Variants in CSNK2A1 observed in about 807,000 individuals in gnomAD.
The protein encoded by CSNK2A1 is casein kinase II subunit alpha.
Under a neutral mutation model 62.9 loss-of-function variants are expected in CSNK2A1, and 10 were observed. That is an observed-to-expected ratio of 0.16 (90% CI 0.10 to 0.27). CSNK2A1 has a LOEUF of 0.27. Ranked by LOEUF, CSNK2A1 falls within the 10% of genes least tolerant of loss-of-function variation. CSNK2A1 has a pLI of 1.00. For missense variants in CSNK2A1, 160 were observed against 492.0 expected (o/e 0.33, Z 6.38); for synonymous variants, 124 against 167.8 (o/e 0.74, Z 2.02).
At chr20:538,003 C>G (rs902586026) in intron 1 of CSNK2A1, among the ~76,000 whole-genome samples, 1 of 151,276 alleles carries the variant, frequency 6.6e-6, no homozygotes, top group African/African-American at 2.4e-5. Context: ...GCTCTGTCCC[C>G]CAGGCTGGAG....
At chr20:485,155 T>C (rs1395522680) in intron 13 of CSNK2A1, among the ~76,000 whole-genome samples, 1 of 120,610 alleles carries the variant, frequency 8.3e-6, no homozygotes. Context: ...TTATTATACA[T>C]TCTTCTCCAC....
intron 9 of CSNK2A1, 127 bp from the exon 10 acceptor site, chr20:490,008 T>C: frequency 1.6e-6 from 1 of 632,930 alleles, no homozygotes; most frequent in Admixed American, 3.2e-5. Context: ...ACTAATAACA[T>C]CTTCATATAT....
Position 481,251 on chromosome 20 carries a change from A to G in CSNK2A1, c.*2710T>C, listed in dbSNP as rs1319585580. On this transcript the variant is annotated 3_prime_UTR_variant, in exon 14 of 14. Coordinates refer to ENST00000217244, the MANE Select transcript of CSNK2A1 (RefSeq NM_177559.3). ...GGTGGGGAGGGCCTTCTGGCTTCAA[A>G]CTTAAAAAAAAGCAGAGGAAGAGGG... 6.6e-6 allele frequency: 1 copy of G among 152,208 alleles called. No homozygotes were observed. The highest frequency in any genetic ancestry group is 1.5e-5 in the Non-Finnish European group (1 of 68,030). 9.4% of individuals were successfully genotyped at this position (152,208 alleles called of 1,614,324 possible).
rs2017984185 is a variant in CSNK2A1 at position 482,985 on chromosome 20, TG to T, written c.*975del. ...GGAAAAGAAGGTAGAAAGCTTAAAA[TG>T]GAAGTCAGTGTGGCCACATCTCCCA... On this transcript the variant is annotated 3_prime_UTR_variant, in exon 14 of 14. Transcript: ENST00000217244. 1 of 152,476 alleles carries T rather than the reference TG, an allele frequency of 6.6e-6. No individual in the cohort carries two copies. Among genetic ancestry groups the T allele is most frequent in the South Asian group, 2.1e-4 (1 of 4,830 alleles). 9.4% of individuals were successfully genotyped at this position (152,476 alleles called of 1,614,324 possible). A position where few individuals can be genotyped will look rare whatever the true frequency, so the allele number is the denominator to read the frequency against.
chr20:526,583 C>G (rs1179341423), intron 2 of CSNK2A1: 2 of 151,856 alleles, frequency 1.3e-5, no homozygotes, highest in African/African-American at 4.8e-5. Context: ...TGCACTCTAG[C>G]CAGGGCGACA....
intron 2 of CSNK2A1, 80 bp from the exon 3 acceptor site, chr20:508,740 T>G: frequency 1.8e-6 from 1 of 549,584 alleles, no homozygotes; most frequent in Non-Finnish European, 3.2e-6. Flanking sequence ...CAAATAATAA[T>G]GGCCTGAAAT....
chr20:509,372 C>CG (rs979775384), intron 2 of CSNK2A1, among the ~76,000 whole-genome samples: 3 of 152,066 alleles, frequency 2.0e-5, no homozygotes, highest in African/African-American at 7.2e-5. Context: ...AATTTGACAC[C>CG]GGGGGAAAAT....
intron 2 of CSNK2A1, among the ~76,000 whole-genome samples, chr20:525,836 TAAAAAAAAAAAA>T (rs397864425): frequency 3.5e-4 from 25 of 71,050 alleles, no homozygotes; most frequent in Admixed American, 1.7e-4. Context: ...TTAAAACTAT[TAAAAAAAAAAAA>T]AAAAAAAAAA....
chr20:535,986 T>C (rs1421305153), intron 1 of CSNK2A1, among the ~76,000 whole-genome samples: 1 of 152,172 alleles, frequency 6.6e-6, no homozygotes, highest in Non-Finnish European at 1.5e-5. Context: ...CTGATCTATA[T>C]TTACAAGTCT....
intron 9 of CSNK2A1, among the ~76,000 whole-genome samples, chr20:490,920 T>C (rs554906489): frequency 1.3e-5 from 2 of 151,068 alleles, no homozygotes; most frequent in East Asian, 1.9e-4. Context: ...AACCTCCAAA[T>C]TGTTAGCCCA....
chr20:479,940 A>C lies in CSNK2A1; in HGVS notation c.*4021T>G, dbSNP rs2017922078. The C allele has an allele frequency of 6.6e-6, 1 of 152,196 alleles. No homozygotes were observed. Among genetic ancestry groups the C allele is most frequent in the South Asian group, 2.1e-4 (1 of 4,832 alleles). The allele number at this position is 152,196 out of a possible 1,614,324, so 9.4% of individuals were successfully genotyped here. On this transcript the variant is annotated 3_prime_UTR_variant, in exon 14 of 14. Coordinates refer to ENST00000217244, the MANE Select transcript of CSNK2A1 (RefSeq NM_177559.3). ...TATTCCGCAAATATTCCAAAAATCC[A>C]AAAAAATTCAAAACACTTCTGGTCC...
rs2018653411 is a variant in CSNK2A1, at chr20:508,609, T to C, written c.-58A>G. On this transcript the variant is annotated 5_prime_UTR_variant, in exon 3 of 14. Coordinates refer to ENST00000217244, the MANE Select transcript of CSNK2A1 (RefSeq NM_177559.3). ...ATGTTTGGAGATCTGGCAGTCACTG[T>C]GTTCAGAAGCAGCTGGGGGTAAGAC... 2.6e-6 allele frequency: 4 copies of C among 1,553,718 alleles called. No homozygotes were observed. Among genetic ancestry groups the C allele is most frequent in the Non-Finnish European group, 3.5e-6 (4 of 1,130,994 alleles).
At position 483,919 on chromosome 20, in the gene CSNK2A1, C is replaced by G; in HGVS notation, c.*42G>C. 3 of 1,575,092 alleles carry G rather than the reference C, an allele frequency of 1.9e-6. No homozygotes were observed. The highest frequency in any genetic ancestry group is 2.6e-6 in the Non-Finnish European group (3 of 1,161,984). On this transcript the variant is annotated 3_prime_UTR_variant, in exon 14 of 14. Transcript: ENST00000217244. Reference sequence around the variant, plus strand: ...CAAGCTGCATCAAGGAGAGGGTGGACTCCCCCACCTCTGCTCAGGCATCAG... The same window carrying G: ...CAAGCTGCATCAAGGAGAGGGTGGAGTCCCCCACCTCTGCTCAGGCATCAG...
intron 2 of CSNK2A1, among the ~76,000 whole-genome samples, chr20:517,689 T>C (rs999510214): frequency 6.6e-6 from 1 of 152,298 alleles, no homozygotes; most frequent in Middle Eastern, 3.4e-3. Flanking sequence ...CGTAACACTT[T>C]AAAGCAAGTT....
intron 2 of CSNK2A1, among the ~76,000 whole-genome samples, chr20:524,911 C>T (rs907194434): frequency 6.6e-6 from 1 of 150,824 alleles, no homozygotes; most frequent in African/African-American, 2.4e-5. Context: ...AGGCTGAGTT[C>T]GTGACCAGCC....
chr20:534,555 T>TG (rs1388782462), intron 1 of CSNK2A1, among the ~76,000 whole-genome samples: 1 of 152,182 alleles, frequency 6.6e-6, no homozygotes, highest in Non-Finnish European at 1.5e-5. Flanking sequence ...GCCTCAGTGT[T>TG]GGACTCCAGA....
chr20:530,623 GC>G, intron 1 of CSNK2A1, among the ~76,000 whole-genome samples: 1 of 151,886 alleles, frequency 6.6e-6, no homozygotes, highest in Non-Finnish European at 1.5e-5. Flanking sequence ...ATGGGTGTGC[GC>G]CACCACGCCC....
At chr20:508,428 A>C in intron 3 of CSNK2A1, 23 bp downstream of exon 3, 1 of 1,613,178 alleles carries the variant, frequency 6.2e-7, no homozygotes, top group South Asian at 1.1e-5. Flanking sequence ...AGTGAGTATA[A>C]TGAAGTCAAC....
At chr20:500,139 A>G in intron 4 of CSNK2A1, 1 of 535,572 alleles carries the variant, frequency 1.9e-6, no homozygotes, top group East Asian at 3.1e-5. Context: ...AATTGAAAGA[A>G]AAAAAGATTT....
Sources: gnomAD v4.1 joint callset for allele counts (sites outside exome capture counted in the v4.1 genomes callset) on GRCh38, gnomAD v4.1.1 for gene constraint, MANE v1.5 for transcripts, NCBI Gene and HGNC (gene_info 2026-07-23, HGNC 2026-07-21) for gene names.